The following CLINT1 variants were observed in gnomAD, a reference collection of about 807,000 sequenced individuals.
CLINT1 encodes the protein clathrin interactor 1.
In CLINT1, 15 loss-of-function variants were observed where a neutral mutation model predicts 70.4. That is an observed-to-expected ratio of 0.21 (90% CI 0.14 to 0.33). CLINT1 has a LOEUF of 0.33. Among genes scored for constraint, CLINT1 ranks in the 10% least tolerant of loss-of-function variants. The pLI, the probability that CLINT1 is intolerant of heterozygous loss-of-function variation, is 1.00. For synonymous variants in CLINT1, 227 were observed against 254.7 expected (o/e 0.89, Z 1.04); for missense variants, 615 against 778.1 (o/e 0.79, Z 2.49).
intron 1 of CLINT1, among the ~76,000 whole-genome samples, chr5:157,843,583 T>TA (rs1753265862): frequency 6.6e-6 from 1 of 152,180 alleles, no homozygotes; most frequent in African/African-American, 2.4e-5. Flanking sequence ...ACGTCCCTCC[T>TA]ATACTTACCC....
rs901167647 is a variant in CLINT1 at position 157,855,922 on chromosome 5, C to T, written c.41+3008G>A. Among the ~76,000 whole-genome samples the T allele has an allele frequency of 6.6e-5, 10 of 151,032 alleles. No homozygotes were observed. In the South Asian group the frequency reaches 8.4e-4, roughly 13 times the overall value. ...TGCACTTCAGCCCCGGGAACAAGAGCGAAACCCCATCTCAAAAAAAAAAAA... is the reference window on the plus strand; with the variant it reads ...TGCACTTCAGCCCCGGGAACAAGAGTGAAACCCCATCTCAAAAAAAAAAAA... On this transcript the variant is annotated intron_variant, in intron 1 of 11. Transcript: ENST00000411809.
At chr5:157,858,827 C>G (rs1470032391) in intron 1 of CLINT1, 103 bp downstream of exon 1, 4 of 1,280,662 alleles carry the variant, frequency 3.1e-6, no homozygotes, top group African/African-American at 3.0e-5. Flanking sequence ...GCTGGCAGAG[C>G]CAGGGGGCGT....
At chr5:157,808,731 T>C (rs1762458646) in intron 6 of CLINT1, among the ~76,000 whole-genome samples, 1 of 152,106 alleles carries the variant, frequency 6.6e-6, no homozygotes, top group Non-Finnish European at 1.5e-5. Flanking sequence ...TTTATAAAAA[T>C]ACAGCTCTAT....
chr5:157,839,728 T>TATCTATCC (rs1367961658), intron 1 of CLINT1, among the ~76,000 whole-genome samples: 2 of 75,022 alleles, frequency 2.7e-5, no homozygotes, highest in Admixed American at 1.7e-4. Flanking sequence ...AAAATCTATC[T>TATCTATCC]ATCTATCTAT....
At chr5:157,806,149 G>A (rs540303540) in intron 6 of CLINT1, 37 bp from the exon 7 acceptor site, 5 of 1,597,316 alleles carry the variant, frequency 3.1e-6, no homozygotes, top group Admixed American at 1.7e-5. Context: ...ATAATAAGAC[G>A]GGATTATTTT....
chr5:157,794,956 T>C lies in CLINT1; in HGVS notation c.1029A>G (p.Leu343=). Residue 343 remains leucine, a synonymous_variant, in exon 9 of 12, where the codon TTA becomes TTG. Coordinates refer to ENST00000411809, the MANE Select transcript of CLINT1 (RefSeq NM_014666.4). ...AGCCAAAGTCAGCAAATCCTCCGAA[T>C]AAATCAGCTGATCCTCCTAGAAGTT... is the stretch of plus-strand genomic sequence containing the variant. The part of the protein sequence containing the change: ...TSQSTGGSAD[L]FGGFADFGSA... 1.3e-6 allele frequency: 2 copies of C among 1,554,186 alleles called. No homozygotes were observed. The highest frequency in any genetic ancestry group is 1.7e-6 in the Non-Finnish European group (2 of 1,148,194).
intron 1 of CLINT1, 36 bp downstream of exon 1, chr5:157,858,894 C>G: frequency 7.3e-7 from 1 of 1,371,974 alleles, no homozygotes; most frequent in African/African-American, 1.5e-5. Flanking sequence ...CCCTCCCCCA[C>G]GTGGGCCTCG....
chr5:157,816,274 G>T (rs1002767637), intron 3 of CLINT1, among the ~76,000 whole-genome samples: 2 of 152,022 alleles, frequency 1.3e-5, no homozygotes, highest in African/African-American at 2.4e-5. Flanking sequence ...AGAACAAAAG[G>T]AATCTGATAA....
intron 1 of CLINT1, among the ~76,000 whole-genome samples, chr5:157,826,774 G>A (rs556484335): frequency 3.3e-5 from 5 of 152,076 alleles, no homozygotes; most frequent in African/African-American, 4.8e-5. Context: ...GAAATGTAAC[G>A]CAAGAAATTT....
chr5:157,824,763 C>G (rs917904593), intron 1 of CLINT1, among the ~76,000 whole-genome samples: 1 of 152,164 alleles, frequency 6.6e-6, no homozygotes, highest in African/African-American at 2.4e-5. Context: ...CCAAATCCCA[C>G]AACTAGTAAA....
At chr5:157,789,319 G>C in intron 11 of CLINT1, 44 bp downstream of exon 11, 1 of 1,548,820 alleles carries the variant, frequency 6.5e-7, no homozygotes, top group South Asian at 1.1e-5. Context: ...TAAGGCAAAA[G>C]ACTGCAAGTA....
intron 1 of CLINT1, among the ~76,000 whole-genome samples, chr5:157,852,936 A>G (rs1753622451): frequency 6.6e-6 from 1 of 152,260 alleles, no homozygotes; most frequent in East Asian, 1.9e-4. Flanking sequence ...CACCAAAGGT[A>G]GCTGAGACTA....
chr5:157,847,811 A>G (rs188040722), intron 1 of CLINT1, among the ~76,000 whole-genome samples: 141 of 152,264 alleles, frequency 9.3e-4, no homozygotes, highest in African/African-American at 3.2e-3. Context: ...ATGACAACAA[A>G]GATTTTTCTT....
intron 1 of CLINT1, among the ~76,000 whole-genome samples, chr5:157,857,806 G>C (rs1363384131): frequency 6.6e-6 from 1 of 152,166 alleles, no homozygotes; most frequent in Non-Finnish European, 1.5e-5. Flanking sequence ...ATATGGTCAA[G>C]CTCTAAGTTC....
At chr5:157,851,520 T>C (rs1185995450) in intron 1 of CLINT1, among the ~76,000 whole-genome samples, 1 of 151,758 alleles carries the variant, frequency 6.6e-6, no homozygotes, top group Non-Finnish European at 1.5e-5. Context: ...AAAACTCCAT[T>C]TCTACCAAAA....
chr5:157,840,787 A>T (rs1753147868), intron 1 of CLINT1, among the ~76,000 whole-genome samples: 1 of 152,116 alleles, frequency 6.6e-6, no homozygotes, highest in Admixed American at 6.6e-5. Flanking sequence ...TTGTAATCCT[A>T]GCACTTTGGA....
chr5:157,787,466 T>C lies in CLINT1; in HGVS notation c.*180A>G, dbSNP rs1184128158. The C allele has an allele frequency of 6.4e-6, 4 of 625,852 alleles. No individual in the cohort carries two copies. The highest frequency in any genetic ancestry group is 1.8e-5 in the African/African-American group (1 of 54,296). The allele number at this position is 625,852 out of a possible 1,614,324, so 38.8% of individuals were successfully genotyped here. A position where few individuals can be genotyped will look rare whatever the true frequency, so the allele number is the denominator to read the frequency against. The stretch of plus-strand genomic sequence containing the variant: ...TTGACTGCCTCATCTGAAGTGCTCT[T>C]GCCTGGCCCTCTGAAATACTGGATA... On this transcript the variant is annotated 3_prime_UTR_variant, in exon 12 of 12. Transcript: ENST00000411809.
intron 4 of CLINT1, among the ~76,000 whole-genome samples, chr5:157,813,430 T>C (rs886847874): frequency 6.6e-6 from 1 of 152,154 alleles, no homozygotes; most frequent in African/African-American, 2.4e-5. Context: ...TTTTGGCTTA[T>C]AAGAGCATGT....
intron 1 of CLINT1, among the ~76,000 whole-genome samples, chr5:157,831,190 C>CA (rs1763232488): frequency 1.4e-5 from 2 of 140,710 alleles, no homozygotes; most frequent in Non-Finnish European, 3.1e-5. Flanking sequence ...TCGTGTTTTA[C>CA]TTTTTTTTTT....
Sources: gnomAD v4.1 joint callset for allele counts (sites outside exome capture counted in the v4.1 genomes callset) on GRCh38, gnomAD v4.1.1 for gene constraint, MANE v1.5 for transcripts, NCBI Gene and HGNC (gene_info 2026-07-23, HGNC 2026-07-21) for gene names.